Variants in PCDH15 observed in about 807,000 individuals in gnomAD.
PCDH15 encodes protocadherin related 15.
Under a neutral mutation model 178.5 loss-of-function variants are expected in PCDH15, and 129 were observed. That is an observed-to-expected ratio of 0.72 (90% CI 0.63 to 0.84). PCDH15 has a LOEUF of 0.84. Among genes scored for constraint, PCDH15 ranks in the 40% least tolerant of loss-of-function variants. The pLI is 0.00. For synonymous variants in PCDH15, 800 were observed against 732.0 expected, an observed-to-expected ratio of 1.09 and a Z score of -1.50; for missense variants, 2,230 against 2,099.9, an observed-to-expected ratio of 1.06 and a Z score of -1.21.
At chr10:54,917,433 C>A (rs926543970) in intron 2 of PCDH15, among the ~76,000 whole-genome samples, 2 of 152,156 alleles carry the variant, frequency 1.3e-5, no homozygotes, top group African/African-American at 2.4e-5. Context: ...ATAAGGGACT[C>A]CTTCCTTACC....
At chr10:54,181,269 C>T (rs1225194676) in intron 13 of PCDH15, among the ~76,000 whole-genome samples, 1 of 152,148 alleles carries the variant, frequency 6.6e-6, no homozygotes, top group East Asian at 1.9e-4. Context: ...AGTCATGTAT[C>T]TACAGCTTCC....
chr10:55,078,595 T>C (rs1292162113), intron 2 of PCDH15, among the ~76,000 whole-genome samples: 1 of 152,114 alleles, frequency 6.6e-6, no homozygotes, highest in Non-Finnish European at 1.5e-5. Flanking sequence ...TTGCTTGAGA[T>C]AGTCTATTGT....
Position 55,127,333 on chromosome 10 carries a change from T to C in PCDH15, c.-80+39243A>G, listed in dbSNP as rs143633114. Among the ~76,000 whole-genome samples the C allele has an allele frequency of 5.8e-3, 890 of 152,214 alleles. 7 individuals are homozygous for C. Among genetic ancestry groups the C allele is most frequent in the Non-Finnish European group, 8.6e-3 (582 of 67,964 alleles). ...TTTCCTATTGCCTCCAAGCCAAATATGTTTCAGATGTGGAACACTTACTGG... is the reference window on the plus strand; with the variant it reads ...TTTCCTATTGCCTCCAAGCCAAATACGTTTCAGATGTGGAACACTTACTGG... On this transcript the variant is annotated intron_variant, in intron 2 of 5. Coordinates refer to the PCDH15 transcript ENST00000458638.
intron 25 of PCDH15, chr10:53,905,264 A>T: frequency 1.9e-6 from 1 of 516,700 alleles, no homozygotes; most frequent in Middle Eastern, 3.2e-4. Flanking sequence ...TATAACAAAG[A>T]CATCACAAAA....
chr10:54,334,302 C>G (rs1305240905), intron 6 of PCDH15, among the ~76,000 whole-genome samples: 1 of 152,120 alleles, frequency 6.6e-6, no homozygotes, highest in African/African-American at 2.4e-5. Context: ...GGGTAGGAGA[C>G]AGCTGTAACA....
intron 2 of PCDH15, among the ~76,000 whole-genome samples, chr10:55,443,318 G>A (rs555446194): frequency 6.6e-6 from 1 of 152,116 alleles, no homozygotes; most frequent in South Asian, 2.1e-4. Context: ...AGCTTCTAGA[G>A]AGCAAAAGAA....
intron 1 of PCDH15, among the ~76,000 whole-genome samples, chr10:54,713,705 G>T (rs1043805831): frequency 6.6e-6 from 1 of 151,960 alleles, no homozygotes; most frequent in Non-Finnish European, 1.5e-5. Context: ...TAATATATCT[G>T]GCCATATGCC....
chr10:53,866,029 T>G (rs1240685786), intron 27 of PCDH15, among the ~76,000 whole-genome samples: 2 of 152,158 alleles, frequency 1.3e-5, no homozygotes, highest in South Asian at 2.1e-4. Flanking sequence ...CCCTTTCAAA[T>G]GATCTATCAC....
intron 2 of PCDH15, among the ~76,000 whole-genome samples, chr10:55,483,435 A>T (rs931536763): frequency 6.6e-6 from 1 of 151,830 alleles, no homozygotes. Context: ...ATCTAACGCC[A>T]GTCAGAATGG....
rs149137409 is a variant in PCDH15, at chr10:54,499,088, A to T, written c.157+28724T>A. ...TATTGGGGATTACAATTCAACATGA[A>T]ATTTGGGTGGGGACAAGAATCCAAA... On this transcript the variant is annotated intron_variant, in intron 3 of 37. Transcript: ENST00000644397. Among the ~76,000 whole-genome samples, 1,233 of 152,254 alleles carry T rather than the reference A, an allele frequency of 8.1e-3. 12 individuals carry two copies. Among genetic ancestry groups the T allele is most frequent in the African/African-American group, 0.028 (1,152 of 41,556 alleles).
intron 3 of PCDH15, among the ~76,000 whole-genome samples, chr10:54,880,285 A>G (rs1954238542): frequency 6.6e-6 from 1 of 152,170 alleles, no homozygotes; most frequent in Non-Finnish European, 1.5e-5. Context: ...TACAGCCCTT[A>G]TGGCTCTAAC....
At chr10:54,250,267 CTT>C (rs765895227) in intron 8 of PCDH15, among the ~76,000 whole-genome samples, 833 of 83,992 alleles carry the variant, frequency 9.9e-3, no homozygotes, top group African/African-American at 0.024. Flanking sequence ...TATGCTATTA[CTT>C]TTTTTTTTTT....
intron 3 of PCDH15, among the ~76,000 whole-genome samples, chr10:54,424,945 A>AAG (rs1956076891): frequency 6.6e-6 from 1 of 151,436 alleles, no homozygotes; most frequent in Non-Finnish European, 1.5e-5. Context: ...CCAACATGGC[A>AAG]CATGTATATA....
intron 2 of PCDH15, among the ~76,000 whole-genome samples, chr10:55,123,309 A>AT (rs1837819115): frequency 6.6e-6 from 1 of 152,080 alleles, no homozygotes. Context: ...TCAACATTTC[A>AT]TTTTTTAAAG....
upstream of PCDH15, among the ~76,000 whole-genome samples, chr10:54,804,927 T>TTATATATATGTATATATATATATATA (rs1952751358): frequency 2.0e-5 from 1 of 50,848 alleles, no homozygotes; most frequent in African/African-American, 6.5e-5. Context: ...TCATAGTAGA[T>TTATATATATGTATATATATATATATA]TATATATATA....
intron 21 of PCDH15, among the ~76,000 whole-genome samples, chr10:53,979,389 T>C (rs555943079): frequency 3.3e-5 from 5 of 152,298 alleles, no homozygotes; most frequent in South Asian, 2.1e-4. Context: ...CATGATTCAA[T>C]TGTCTCCCAC....
intron 15 of PCDH15, among the ~76,000 whole-genome samples, chr10:54,093,898 A>C (rs1159944133): frequency 1.3e-5 from 2 of 152,186 alleles, no homozygotes; most frequent in Non-Finnish European, 2.9e-5. Flanking sequence ...ATTTTCCATA[A>C]TATAAGAGAT....
At position 55,433,203 on chromosome 10, in the gene PCDH15, G is replaced by A. The variant is rs532040820; in HGVS notation, c.-156+194422C>T. Among the ~76,000 whole-genome samples the A allele has an allele frequency of 4.6e-5, 7 of 152,176 alleles. No individual in the cohort carries two copies. In the South Asian group the frequency reaches 1.5e-3, roughly 32 times the overall value. On this transcript the variant is annotated intron_variant, in intron 2 of 5. Transcript: ENST00000613346. ...GCAAAATCAAGGAATCAACCTAAAT[G>A]CCCATTAATGGTAGATTTGATAAAG...
At chr10:54,191,229 C>T (rs1341322106) in intron 11 of PCDH15, among the ~76,000 whole-genome samples, 2 of 152,078 alleles carry the variant, frequency 1.3e-5, no homozygotes, top group Non-Finnish European at 2.9e-5. Flanking sequence ...CAGATGTAAA[C>T]TCATGAGGGA....
Sources: allele counts gnomAD v4.1 joint callset (sites outside exome capture counted in the v4.1 genomes callset), GRCh38; gene constraint gnomAD v4.1.1; transcripts MANE v1.5; gene names NCBI Gene and HGNC (gene_info 2026-07-23, HGNC 2026-07-21).